DHFR2: variants seen among roughly 807,000 people sequenced by gnomAD.
The protein encoded by DHFR2 is dihydrofolate reductase 2, mitochondrial.
DHFR2 carries 11 observed loss-of-function variants against 12.0 expected under a neutral mutation model. The observed-to-expected ratio is 0.92, with a 90% CI of 0.58 to 1.52. The LOEUF (loss-of-function observed/expected upper bound fraction) is 1.52, where lower values mean the gene tolerates loss of function less well. Among genes scored for constraint, DHFR2 ranks in the 40% most tolerant of loss-of-function variants. The pLI is 0.00. For synonymous variants in DHFR2, 87 were observed against 79.6 expected (o/e 1.09, Z -0.49); for missense variants, 188 against 221.2 (o/e 0.85, Z 0.95).
rs759864514 is a variant in DHFR2 at position 94,061,034 on chromosome 3, G to T, written c.478C>A (p.Leu160Met). ...SEIDLEKYKLLPEYPGVLSDV... is the reference protein window; with the variant it reads ...SEIDLEKYKLMPEYPGVLSDV... ...GAGAGAACACCTGGGTATTCAGGCA[G>T]AAGTTTATATTTCTCCAAGTCAATT... The change falls in exon 2 of 2, where the codon CTG becomes ATG. Residue 160 changes from leucine to methionine, a missense_variant. Leu to Met is a conservative substitution (Grantham distance 15). Transcript: ENST00000314636. 3.7e-6 allele frequency: 6 copies of T among 1,613,744 alleles called. No individual in the cohort carries two copies. In the East Asian group the frequency reaches 1.3e-4, roughly 36 times the overall value.
chr3:94,061,452 G>A lies in DHFR2; in HGVS notation c.60C>T (p.Asn20=), dbSNP rs199508022. ...TGAGCGGCGGCCTGGGCAGGTCCCC[G>A]TTCTTGCCGATGCCCATGTTTTGGG... is the stretch of plus-strand genomic sequence containing the variant. ...AVSQNMGIGK[N]GDLPRPPLRN... Residue 20 remains asparagine, a synonymous_variant, in exon 2 of 2, where the codon AAC becomes AAT. Transcript: ENST00000314636. 8 of 1,614,026 alleles carry A rather than the reference G, an allele frequency of 5.0e-6. No individual in the cohort carries two copies. The East Asian group carries it at 8.9e-5, about 18-fold the overall frequency.
In DHFR2 at chr3:94,059,478, G is replaced by C. The variant is rs2092602429; in HGVS notation, c.*1470C>G. On this transcript the variant is annotated 3_prime_UTR_variant, in exon 2 of 2. Transcript: ENST00000314636. ...GCCCCCCAAAGTGCTGGGACCACAGGCGTGAGCCACCACTCCTGGCCAGTT... is the reference window on the plus strand; with the variant it reads ...GCCCCCCAAAGTGCTGGGACCACAGCCGTGAGCCACCACTCCTGGCCAGTT... The C allele has an allele frequency of 6.6e-6, 1 of 152,250 alleles. No homozygotes were observed. The highest frequency in any genetic ancestry group is 2.4e-5 in the African/African-American group (1 of 41,446). 9.4% of individuals were successfully genotyped at this position (152,250 alleles called of 1,614,324 possible). A position where few individuals can be genotyped will look rare whatever the true frequency, so the allele number is the denominator to read the frequency against.
chr3:94,061,930 TC>T (rs2107228344), intron 1 of DHFR2, among the ~76,000 whole-genome samples: 1 of 152,162 alleles, frequency 6.6e-6, no homozygotes, highest in African/African-American at 2.4e-5. Context: ...AAGCTTCAAA[TC>T]AGATTAGAAG....
At position 94,058,013 on chromosome 3, in the gene DHFR2, A is replaced by G. The variant is rs1481813590; in HGVS notation, c.*2935T>C. On this transcript the variant is annotated 3_prime_UTR_variant, in exon 2 of 2. Transcript: ENST00000314636. ...AAATTAATATGACCTCTTTCCAAGT[A>G]TAACACATTGCCTTTCTCTAACAGA... 2 of 152,222 alleles carry G rather than the reference A, an allele frequency of 1.3e-5. No homozygotes were observed. The highest frequency in any genetic ancestry group is 4.8e-5 in the African/African-American group (2 of 41,472). The allele number at this position is 152,222 out of a possible 1,614,324, so 9.4% of individuals were successfully genotyped here. A position where few individuals can be genotyped will look rare whatever the true frequency, so the allele number is the denominator to read the frequency against.
At position 94,060,913 on chromosome 3, in the gene DHFR2, AG is replaced by A. The variant is rs2077169230; in HGVS notation, c.*34del. ...AAAAATGCATACTTTTCTCAGAGGG[AG>A]GGGGAACAACTTAAACCAGAAAACA... is the stretch of plus-strand genomic sequence containing the variant. On this transcript the variant is annotated 3_prime_UTR_variant, in exon 2 of 2. Coordinates refer to ENST00000314636, the MANE Select transcript of DHFR2 (RefSeq NM_176815.5). 6.2e-7 allele frequency: 1 copy of A among 1,600,408 alleles called. No homozygotes were observed.
chr3:94,062,077 T>C lies in DHFR2; in HGVS notation c.-95-471A>G, dbSNP rs76008898. Among the ~76,000 whole-genome samples the C allele has an allele frequency of 4.1e-3, 627 of 152,310 alleles. 2 individuals carry two copies. Among genetic ancestry groups the C allele is most frequent in the Non-Finnish European group, 6.3e-3 (427 of 68,030 alleles). ...TATCAAACCGGTTTTTTCTAATTGC[T>C]GATTGCTGCTACAAATGATAGTTAC... is the stretch of plus-strand genomic sequence containing the variant. On this transcript the variant is annotated intron_variant, in intron 1 of 1. Coordinates refer to ENST00000314636, the MANE Select transcript of DHFR2 (RefSeq NM_176815.5).
chr3:94,060,223 G>A lies in DHFR2; in HGVS notation c.*725C>T, dbSNP rs2077165736. 1.3e-5 allele frequency: 2 copies of A among 152,314 alleles called. No homozygotes were observed. The highest frequency in any genetic ancestry group is 4.8e-5 in the African/African-American group (2 of 41,406). The allele number at this position is 152,314 out of a possible 1,614,324, so 9.4% of individuals were successfully genotyped here. A position where few individuals can be genotyped will look rare whatever the true frequency, so the allele number is the denominator to read the frequency against. On this transcript the variant is annotated 3_prime_UTR_variant, in exon 2 of 2. Transcript: ENST00000314636. ...ACGTTCTGCCCACACACAGGACAGG[G>A]AGCTGACAACCAAGGAGTGGGGGTT...
In DHFR2 at chr3:94,060,885, T is replaced by C. The variant is rs1311439043; in HGVS notation, c.*63A>G. On this transcript the variant is annotated 3_prime_UTR_variant, in exon 2 of 2. Transcript: ENST00000314636. ...AAGTCAACAAAAGTCCCTTTTCTAATGTAAAAATGCATACTTTTCTCAGAG... is the reference window on the plus strand; with the variant it reads ...AAGTCAACAAAAGTCCCTTTTCTAACGTAAAAATGCATACTTTTCTCAGAG... 2 of 1,544,946 alleles carry C rather than the reference T, an allele frequency of 1.3e-6. No homozygotes were observed. Among genetic ancestry groups the C allele is most frequent in the African/African-American group, 2.8e-5 (2 of 72,416 alleles).
Position 94,061,116 on chromosome 3 carries a change from A to G in DHFR2, c.396T>C (p.Leu132=), listed in dbSNP as rs1219945701. ...YKEAMNHLGH[L]KLFVTRIMQD... Reference sequence around the variant, plus strand: ...GCATGATCCTTGTCACAAATAGTTTAAGATGGCCTAGGTGATTCATGGCTT... The same window carrying G: ...GCATGATCCTTGTCACAAATAGTTTGAGATGGCCTAGGTGATTCATGGCTT... Residue 132 remains leucine (L), a synonymous_variant, in exon 2 of 2, where the codon CTT becomes CTC. Coordinates refer to ENST00000314636, the MANE Select transcript of DHFR2 (RefSeq NM_176815.5). 1 of 1,613,802 alleles carries G rather than the reference A, an allele frequency of 6.2e-7. No individual in the cohort carries two copies. Among genetic ancestry groups the G allele is most frequent in the Non-Finnish European group, 8.5e-7 (1 of 1,179,842 alleles).
chr3:94,060,135 T>C lies in DHFR2; in HGVS notation c.*813A>G, dbSNP rs1375241343. ...GCTTTAAGTGTTTGGCATTCACCGT[T>C]CCCGTACATTACAGCAGCTTCTTTC... is the stretch of plus-strand genomic sequence containing the variant. On this transcript the variant is annotated 3_prime_UTR_variant, in exon 2 of 2. Coordinates refer to ENST00000314636, the MANE Select transcript of DHFR2 (RefSeq NM_176815.5). 6.6e-6 allele frequency: 1 copy of C among 152,188 alleles called. No individual in the cohort carries two copies. The highest frequency in any genetic ancestry group is 2.4e-5 in the African/African-American group (1 of 41,418). The allele number at this position is 152,188 out of a possible 1,614,324, so 9.4% of individuals were successfully genotyped here. A position where few individuals can be genotyped will look rare whatever the true frequency, so the allele number is the denominator to read the frequency against.
rs2077159713 is a variant in DHFR2, at chr3:94,059,187, T to G, written c.*1761A>C. On this transcript the variant is annotated 3_prime_UTR_variant, in exon 2 of 2. Transcript: ENST00000314636. Reference sequence around the variant, plus strand: ...TAGATTTATCAGTTGAAAATAACTTTATAGAATTCTGAAGGCATGGTTCCG... The same window carrying G: ...TAGATTTATCAGTTGAAAATAACTTGATAGAATTCTGAAGGCATGGTTCCG... 6.6e-6 allele frequency: 1 copy of G among 152,202 alleles called. No homozygotes were observed. The highest frequency in any genetic ancestry group is 1.5e-5 in the Non-Finnish European group (1 of 68,042). 9.4% of individuals were successfully genotyped at this position (152,202 alleles called of 1,614,324 possible).
At position 94,060,565 on chromosome 3, in the gene DHFR2, C is replaced by T. The variant is rs529186933; in HGVS notation, c.*383G>A. 3.2e-4 allele frequency: 63 copies of T among 199,390 alleles called. 1 individual carries two copies. The East Asian group carries it at 7.5e-3, about 24-fold the overall frequency. The allele number at this position is 199,390 out of a possible 1,614,324, so 12.4% of individuals were successfully genotyped here. A position where few individuals can be genotyped will look rare whatever the true frequency, so the allele number is the denominator to read the frequency against. ...ATTTGTCTACAAACCTCTGGATATA[C>T]ATGTACGAAGCTTTTGGTATTTCCT... On this transcript the variant is annotated 3_prime_UTR_variant, in exon 2 of 2. Transcript: ENST00000314636.
rs937593089 is a variant in DHFR2 at position 94,060,438 on chromosome 3, C to A, written c.*510G>T. On this transcript the variant is annotated 3_prime_UTR_variant, in exon 2 of 2. Coordinates refer to ENST00000314636, the MANE Select transcript of DHFR2 (RefSeq NM_176815.5). ...TTCACTTAAATTTCAGTCTTGGAAT[C>A]TGCTTTGGGTTCCCCAATCTAAGAC... 21 of 156,828 alleles carry A rather than the reference C, an allele frequency of 1.3e-4. No individual in the cohort carries two copies. Among genetic ancestry groups the A allele is most frequent in the African/African-American group, 4.8e-4 (20 of 41,468 alleles). 9.7% of individuals were successfully genotyped at this position (156,828 alleles called of 1,614,324 possible).
rs2077168055 is a variant in DHFR2 at position 94,060,686 on chromosome 3, G to C, written c.*262C>G. On this transcript the variant is annotated 3_prime_UTR_variant, in exon 2 of 2. Coordinates refer to ENST00000314636, the MANE Select transcript of DHFR2 (RefSeq NM_176815.5). Reference sequence around the variant, plus strand: ...GCCTGACAATGTCAAGGAGTGGCAAGAGTGCCACATGTGATGGGTGTGGAA... The same window carrying C: ...GCCTGACAATGTCAAGGAGTGGCAACAGTGCCACATGTGATGGGTGTGGAA... 8 of 493,840 alleles carry C rather than the reference G, an allele frequency of 1.6e-5. No individual in the cohort carries two copies. The highest frequency in any genetic ancestry group is 2.9e-5 in the Non-Finnish European group (8 of 278,924). The allele number at this position is 493,840 out of a possible 1,614,324, so 30.6% of individuals were successfully genotyped here. A position where few individuals can be genotyped will look rare whatever the true frequency, so the allele number is the denominator to read the frequency against.
rs878999430 is a variant in DHFR2 at position 94,061,575 on chromosome 3, C to G, written c.-64G>C. ...CCAGGAAGCCAGGCCAAGAATGCCG[C>G]GAAATTCCCTTCTTCAAATTTTTTT... On this transcript the variant is annotated 5_prime_UTR_variant, in exon 2 of 2. Transcript: ENST00000314636. 6.3e-7 allele frequency: 1 copy of G among 1,597,900 alleles called. No individual in the cohort carries two copies. Among genetic ancestry groups the G allele is most frequent in the Non-Finnish European group, 8.5e-7 (1 of 1,171,534 alleles).
At chr3:94,063,013 G>T, upstream of DHFR2, 1 of 1,135,890 alleles carries the variant, frequency 8.8e-7, no homozygotes, top group Non-Finnish European at 1.3e-6. Context: ...GGAAACGTGA[G>T]AATGAAAGTG....
Position 94,061,494 on chromosome 3 carries a change from G to A in DHFR2, c.18C>T (p.Asn6=), listed in dbSNP as rs1331352281. 1 of 1,614,178 alleles carries A rather than the reference G, an allele frequency of 6.2e-7. No individual in the cohort carries two copies. Among genetic ancestry groups the A allele is most frequent in the Non-Finnish European group, 8.5e-7 (1 of 1,180,038 alleles). The part of the protein sequence containing the change: MFLLL[N]CIVAVSQNMG... ...TGTTTTGGGACACAGCGACGATGCA[G>A]TTTAGCAAAAGAAACATGACAGCAG... Residue 6 remains asparagine (N), a synonymous_variant, in exon 2 of 2, where the codon AAC becomes AAT. Coordinates refer to ENST00000314636, the MANE Select transcript of DHFR2 (RefSeq NM_176815.5).
At chr3:94,061,966 T>C (rs1560026512) in intron 1 of DHFR2, among the ~76,000 whole-genome samples, 1 of 152,184 alleles carries the variant, frequency 6.6e-6, no homozygotes, top group Non-Finnish European at 1.5e-5. Flanking sequence ...TACATGAATA[T>C]AAGACTTGTA....
Position 94,060,998 on chromosome 3 carries a change from C to T in DHFR2, c.514G>A (p.Glu172Lys). The change falls in exon 2 of 2, where the codon GAG becomes AAG. Residue 172 changes from glutamate (E) to lysine (K), a missense_variant. By Grantham distance (56) the Glu-to-Lys change is moderately conservative (BLOSUM62 1). Coordinates refer to ENST00000314636, the MANE Select transcript of DHFR2 (RefSeq NM_176815.5). ...EYPGVLSDVQ[E>K]GKHIKYKFEV... ...AATTTGTACTTGATGTGTTTCCCCTCCTGGACATCAGAGAGAACACCTGGG... is the reference window on the plus strand; with the variant it reads ...AATTTGTACTTGATGTGTTTCCCCTTCTGGACATCAGAGAGAACACCTGGG... 6.2e-7 allele frequency: 1 copy of T among 1,613,898 alleles called. No homozygotes were observed. Among genetic ancestry groups the T allele is most frequent in the South Asian group, 1.1e-5 (1 of 91,064 alleles).
Sources: allele counts gnomAD v4.1 joint callset (sites outside exome capture counted in the v4.1 genomes callset), GRCh38; gene constraint gnomAD v4.1.1; transcripts MANE v1.5; gene names NCBI Gene and HGNC (gene_info 2026-07-23, HGNC 2026-07-21).